Variants in DPYSL5 observed in about 807,000 individuals in gnomAD.
DPYSL5 encodes the protein dihydropyrimidinase like 5.
Under a neutral mutation model 58.4 loss-of-function variants are expected in DPYSL5, and 9 were observed. The ratio of observed to expected loss-of-function variants is 0.15; its 90% CI spans 0.09 to 0.27. DPYSL5 has a LOEUF of 0.27. DPYSL5 is among the 10% of genes least tolerant of loss of function. DPYSL5 has a pLI of 1.00. For synonymous variants in DPYSL5, 293 were observed against 301.9 expected (o/e 0.97, Z 0.31); for missense variants, 499 against 770.6 (o/e 0.65, Z 4.17).
chr2:26,869,306 A>T (rs1663198140), intron 1 of DPYSL5, among the ~76,000 whole-genome samples: 1 of 152,150 alleles, frequency 6.6e-6, no homozygotes, highest in South Asian at 2.1e-4. Context: ...GTAAAGCTGT[A>T]TTGAGGTGTA....
At chr2:26,928,704 T>TACACACACAC (rs1553320464) in intron 5 of DPYSL5, among the ~76,000 whole-genome samples, 1 of 62,966 alleles carries the variant, frequency 1.6e-5, no homozygotes, top group African/African-American at 6.3e-5. Flanking sequence ...TATATATATA[T>TACACACACAC]ACACACACAC....
chr2:26,882,861 C>T (rs576824065), intron 1 of DPYSL5, among the ~76,000 whole-genome samples: 12 of 149,330 alleles, frequency 8.0e-5, no homozygotes, highest in Admixed American at 2.7e-4. Flanking sequence ...TGCAGTGAGC[C>T]GATCGTGCCA....
At chr2:26,897,694 C>A (rs1401996935) in intron 1 of DPYSL5, among the ~76,000 whole-genome samples, 1 of 152,090 alleles carries the variant, frequency 6.6e-6, no homozygotes, top group Non-Finnish European at 1.5e-5. Context: ...GGAAGGGTTT[C>A]CTTCTCTTCT....
chr2:26,929,619 G>A (rs1424261549), intron 5 of DPYSL5, among the ~76,000 whole-genome samples: 2 of 152,204 alleles, frequency 1.3e-5, no homozygotes, highest in Middle Eastern at 3.2e-3. Flanking sequence ...TGGAAAAATC[G>A]TGTTCCACGA....
chr2:26,923,414 G>A (rs957608526), intron 2 of DPYSL5, among the ~76,000 whole-genome samples: 1 of 152,178 alleles, frequency 6.6e-6, no homozygotes. Context: ...CATAAGCAAT[G>A]TTTTACTTAA....
intron 2 of DPYSL5, among the ~76,000 whole-genome samples, chr2:26,904,487 A>T (rs987215071): frequency 3.3e-5 from 5 of 152,186 alleles, no homozygotes; most frequent in Non-Finnish European, 7.3e-5. Context: ...ATCCAGACTC[A>T]TATGGTCTTG....
chr2:26,945,304 C>CTTTT (rs71401543), intron 12 of DPYSL5, among the ~76,000 whole-genome samples: 12 of 140,914 alleles, frequency 8.5e-5, no homozygotes, highest in Admixed American at 2.8e-4. Context: ...CCTTCACCTT[C>CTTTT]TTTTTTTTTT....
chr2:26,934,732 C>T lies in DPYSL5; in HGVS notation c.945C>T (p.Ala315=). 1.9e-6 allele frequency: 3 copies of T among 1,614,044 alleles called. No homozygotes were observed. Among genetic ancestry groups the T allele is most frequent in the Non-Finnish European group, 2.5e-6 (3 of 1,179,974 alleles). Residue 315 remains alanine, a splice_region_variant and synonymous_variant, in exon 8 of 13, where the codon GCC becomes GCT. Transcript: ENST00000288699. The surrounding 1 kb of genome is among the most constrained non-coding windows in gnomAD (Gnocchi z 4.3). ...CAACCTACCTCATGAGCCTGCTGGC[C>T]AAGTAAGGCGTTTCAGCAGCACATT... is the stretch of plus-strand genomic sequence containing the variant. ...NTSTYLMSLL[A]NDTLNIVASD...
At chr2:26,931,197 G>GTATATATATATA (rs1345488521) in intron 5 of DPYSL5, among the ~76,000 whole-genome samples, 29 of 52,494 alleles carry the variant, frequency 5.5e-4, no homozygotes, top group Non-Finnish European at 7.9e-4. Flanking sequence ...GTGTGTGTGT[G>GTATATATATATA]TGTGTGTATA....
intron 12 of DPYSL5, among the ~76,000 whole-genome samples, chr2:26,945,997 T>A (rs1665470255): frequency 6.6e-6 from 1 of 152,104 alleles, no homozygotes; most frequent in Non-Finnish European, 1.5e-5. Flanking sequence ...TCAGGACCAG[T>A]CTCATTCCTG....
intron 2 of DPYSL5, among the ~76,000 whole-genome samples, chr2:26,923,403 C>A (rs1381994189): frequency 1.3e-5 from 2 of 152,194 alleles, no homozygotes; most frequent in African/African-American, 2.4e-5. Flanking sequence ...CACATCTGTT[C>A]CATAAGCAAT....
rs1281451223 is a variant in DPYSL5, at chr2:26,947,009, C to T, written c.*14C>T. On this transcript the variant is annotated 3_prime_UTR_variant, in exon 13 of 13. Transcript: ENST00000288699. This position sits in a 1 kb window ranked among gnomAD's most constrained non-coding sequence, Gnocchi z 4.2. ...GGCATTTGGTAAAGGCATTGCCAAG[C>T]CCCCCGAGTGAGGACGCACCGCCGC... 2.5e-6 allele frequency: 4 copies of T among 1,597,302 alleles called. No individual in the cohort carries two copies. The highest frequency in any genetic ancestry group is 2.2e-5 in the East Asian group (1 of 44,608).
intron 1 of DPYSL5, among the ~76,000 whole-genome samples, chr2:26,855,034 T>C (rs1665844946): frequency 6.7e-6 from 1 of 148,958 alleles, no homozygotes; most frequent in Non-Finnish European, 1.5e-5. Flanking sequence ...GCCAGGCTGG[T>C]CTGGAACTCT....
chr2:26,936,183 C>A (rs977469867), intron 8 of DPYSL5, among the ~76,000 whole-genome samples: 1 of 152,212 alleles, frequency 6.6e-6, no homozygotes, highest in Non-Finnish European at 1.5e-5. Context: ...ACTCTCCATC[C>A]TGCCAACCCC....
rs1378054764 is a variant in DPYSL5, at chr2:26,947,804, T to A, written c.*809T>A. On this transcript the variant is annotated 3_prime_UTR_variant, in exon 13 of 13. Transcript: ENST00000288699. This position sits in a 1 kb window ranked among gnomAD's most constrained non-coding sequence, Gnocchi z 4.2. ...TGTGGTCCTTAGGAGACGCTGCACTTGACACCAACCAGACAGCACAGGGCA... is the reference window on the plus strand; with the variant it reads ...TGTGGTCCTTAGGAGACGCTGCACTAGACACCAACCAGACAGCACAGGGCA... 1.3e-5 allele frequency: 2 copies of A among 152,752 alleles called. No individual in the cohort carries two copies. Among genetic ancestry groups the A allele is most frequent in the Non-Finnish European group, 2.9e-5 (2 of 68,142 alleles). The allele number at this position is 152,752 out of a possible 1,614,324, so 9.5% of individuals were successfully genotyped here. A position where few individuals can be genotyped will look rare whatever the true frequency, so the allele number is the denominator to read the frequency against.
chr2:26,856,356 G>A (rs906909609), intron 1 of DPYSL5, among the ~76,000 whole-genome samples: 19 of 152,180 alleles, frequency 1.2e-4, no homozygotes, highest in African/African-American at 4.6e-4. Flanking sequence ...AGATCAATCA[G>A]CTTTGCCTAT....
rs945059287 is a variant in DPYSL5, at chr2:26,881,873, C to T, written c.-4-16623C>T. 2.2e-4 allele frequency among the ~76,000 whole-genome samples: 33 copies of T among 151,892 alleles called. 1 individual carries two copies. Among genetic ancestry groups the T allele is most frequent in the African/African-American group, 7.7e-4 (32 of 41,374 alleles). ...TTGGGAGGCCGAGGCAGGTGGATCA[C>T]GAGGTCAGGAGATCAAGACCATCCT... On this transcript the variant is annotated intron_variant, in intron 1 of 12. Coordinates refer to ENST00000288699, the MANE Select transcript of DPYSL5 (RefSeq NM_020134.4).
At chr2:26,882,413 T>TTGTG (rs1314817519) in intron 1 of DPYSL5, among the ~76,000 whole-genome samples, 5 of 138,768 alleles carry the variant, frequency 3.6e-5, no homozygotes, top group Non-Finnish European at 4.7e-5. Context: ...GCCCAGCTTA[T>TTGTG]TGTGTGTGTG....
chr2:26,937,705 TG>T (rs956653914), intron 8 of DPYSL5, among the ~76,000 whole-genome samples: 10 of 152,068 alleles, frequency 6.6e-5, no homozygotes, highest in African/African-American at 2.4e-4. Flanking sequence ...CCTGAGTAGC[TG>T]GGGCTACACG....
Sources: allele counts gnomAD v4.1 joint callset (sites outside exome capture counted in the v4.1 genomes callset), GRCh38; gene constraint gnomAD v4.1.1; non-coding constraint Gnocchi (gnomAD v3.1); transcripts MANE v1.5; gene names NCBI Gene and HGNC (gene_info 2026-07-23, HGNC 2026-07-21).